Variants in TSPAN15 observed in about 807,000 individuals in gnomAD.
The protein encoded by TSPAN15 is tetraspanin-15.
In TSPAN15, 20 loss-of-function variants were observed where a neutral mutation model predicts 34.5. The ratio of observed to expected loss-of-function variants is 0.58; its 90% CI spans 0.41 to 0.84. The LOEUF is 0.84. Ranked by LOEUF, TSPAN15 falls within the 40% of genes least tolerant of loss-of-function variation. TSPAN15 has a pLI of 0.00. For missense variants in TSPAN15, 313 were observed against 386.1 expected, an observed-to-expected ratio of 0.81 and a Z score of 1.59; for synonymous variants, 155 against 153.9, an observed-to-expected ratio of 1.01 and a Z score of -0.05.
At chr10:69,462,187 AAT>A (rs1249568700) in intron 1 of TSPAN15, among the ~76,000 whole-genome samples, 1 of 92,832 alleles carries the variant, frequency 1.1e-5, no homozygotes, top group African/African-American at 3.7e-5. Context: ...TTTTTGTAGA[AAT>A]AGTGTCTCAC....
intron 3 of TSPAN15, among the ~76,000 whole-genome samples, chr10:69,493,463 C>G (rs1458907764): frequency 6.7e-6 from 1 of 149,040 alleles, no homozygotes; most frequent in African/African-American, 2.5e-5. Flanking sequence ...TTCTCCGAGC[C>G]CATCTCCTTT....
intron 1 of TSPAN15, among the ~76,000 whole-genome samples, chr10:69,477,673 C>T (rs1841645164): frequency 6.6e-6 from 1 of 152,242 alleles, no homozygotes; most frequent in South Asian, 2.1e-4. Context: ...GTTCTCAGCA[C>T]TGCTGCTCCG....
At chr10:69,492,372 C>T (rs150641892) in intron 3 of TSPAN15, among the ~76,000 whole-genome samples, 2,863 of 152,352 alleles carry the variant, frequency 0.019, 104 homozygotes, top group African/African-American at 0.066. Flanking sequence ...CATCGCCCCT[C>T]ACAGCACAGG....
At chr10:69,459,276 G>A (rs1841191432) in intron 1 of TSPAN15, among the ~76,000 whole-genome samples, 1 of 152,156 alleles carries the variant, frequency 6.6e-6, no homozygotes, top group Non-Finnish European at 1.5e-5. Flanking sequence ...GTTATTTGAT[G>A]CCTACTGAAT....
chr10:69,459,105 C>CAAAAAAAAAAA (rs1259881929), intron 1 of TSPAN15, among the ~76,000 whole-genome samples: 23 of 57,656 alleles, frequency 4.0e-4, no homozygotes, highest in East Asian at 1.0e-3. Context: ...ACAAAACAGA[C>CAAAAAAAAAAA]AAAAAAAAAA....
chr10:69,494,614 G>C (rs1002901354), intron 3 of TSPAN15: 8 of 984,022 alleles, frequency 8.1e-6, no homozygotes, highest in Non-Finnish European at 9.7e-6. Context: ...TACGGGTTTG[G>C]TTCACAGTTG....
At chr10:69,486,911 C>T (rs1841866611) in intron 3 of TSPAN15, among the ~76,000 whole-genome samples, 1 of 152,250 alleles carries the variant, frequency 6.6e-6, no homozygotes, top group Non-Finnish European at 1.5e-5. Flanking sequence ...TTTCTACCTG[C>T]CCCTCCCTTT....
intron 5 of TSPAN15, among the ~76,000 whole-genome samples, chr10:69,504,082 C>A (rs935532306): frequency 3.3e-5 from 5 of 152,192 alleles, no homozygotes. Context: ...GGAACAGCCC[C>A]ACCCCGACCT....
chr10:69,477,284 G>A (rs1362296252), intron 1 of TSPAN15, among the ~76,000 whole-genome samples: 1 of 152,012 alleles, frequency 6.6e-6, no homozygotes, highest in African/African-American at 2.4e-5. Flanking sequence ...ACAGGTGCAC[G>A]CCACCACACC....
chr10:69,454,749 G>A (rs934024334), intron 1 of TSPAN15, among the ~76,000 whole-genome samples: 2 of 152,146 alleles, frequency 1.3e-5, no homozygotes, highest in African/African-American at 2.4e-5. Flanking sequence ...CTCAGGAGAC[G>A]GAGGTTGAAG....
the TSPAN15 span, among the ~76,000 whole-genome samples, chr10:69,540,473 C>T: frequency 6.6e-6 from 1 of 152,080 alleles, no homozygotes; most frequent in Non-Finnish European, 1.5e-5. Context: ...GGCAAGGGGG[C>T]ATGAATGTGA....
chr10:69,502,446 T>C (rs1318302860), intron 5 of TSPAN15, among the ~76,000 whole-genome samples: 1 of 152,170 alleles, frequency 6.6e-6, no homozygotes, highest in South Asian at 2.1e-4. Context: ...CATTAGCTGC[T>C]CAGTCTTTTC....
intron 3 of TSPAN15, among the ~76,000 whole-genome samples, chr10:69,494,092 C>G (rs934850124): frequency 6.6e-6 from 1 of 152,166 alleles, no homozygotes; most frequent in Non-Finnish European, 1.5e-5. Context: ...ACACCCTGGT[C>G]CCAGCGTCTC....
At chr10:69,476,496 G>A (rs184010669) in intron 1 of TSPAN15, among the ~76,000 whole-genome samples, 258 of 151,406 alleles carry the variant, frequency 1.7e-3, no homozygotes, top group African/African-American at 6.1e-3. Flanking sequence ...GATCGAGGCT[G>A]CAGTGAGCTA....
At chr10:69,505,524 ACTTCTGGAAAATT>A (rs112664723) in intron 6 of TSPAN15, among the ~76,000 whole-genome samples, 17,864 of 151,798 alleles carry the variant, frequency 0.12, 1,102 homozygotes, top group South Asian at 0.13. Flanking sequence ...ACCTAGTAGT[ACTTCTGGAAAATT>A]CTTTGTATAT....
At chr10:69,481,156 A>G (rs7079899) in intron 1 of TSPAN15, among the ~76,000 whole-genome samples, 2,474 of 152,130 alleles carry the variant, frequency 0.016, 67 homozygotes, top group African/African-American at 0.057. Flanking sequence ...AAAAGTAGAT[A>G]TTTTTCATGG....
At chr10:69,528,871 G>T in the TSPAN15 span, among the ~76,000 whole-genome samples, 2 of 147,838 alleles carry the variant, frequency 1.4e-5, no homozygotes, top group Admixed American at 1.4e-4. Context: ...TCAGAGGGGA[G>T]GAAGTATATG....
At chr10:69,539,536 A>AAGAAGAAGAAGAAGAAGAAGGAGG in the TSPAN15 span, among the ~76,000 whole-genome samples, 7 of 71,512 alleles carry the variant, frequency 9.8e-5, no homozygotes, top group Admixed American at 2.9e-4. Context: ...GAAGAAGAAG[A>AAGAAGAAGAAGAAGAAGAAGGAGG]AGGAGAAGGA....
rs140095042 is a variant in TSPAN15, at chr10:69,501,496, G to C, written c.571-2942G>C. Among the ~76,000 whole-genome samples the C allele has an allele frequency of 6.0e-4, 92 of 152,286 alleles. 1 individual carries two copies. The highest frequency in any genetic ancestry group is 1.7e-3 in the African/African-American group (72 of 41,542). ...TGTCCAGATCTATTTATTTTACACT[G>C]TACTATTCAACCTGGGATTTGAATG... On this transcript the variant is annotated intron_variant, in intron 5 of 7. Coordinates refer to ENST00000373290, the MANE Select transcript of TSPAN15 (RefSeq NM_012339.5).
Sources: allele counts gnomAD v4.1 joint callset (sites outside exome capture counted in the v4.1 genomes callset), GRCh38; gene constraint gnomAD v4.1.1; transcripts MANE v1.5; gene names NCBI Gene and HGNC (gene_info 2026-07-23, HGNC 2026-07-21).